DLC1: variants seen among roughly 807,000 people sequenced by gnomAD.
DLC1 encodes DLC1 Rho GTPase activating protein, also known as rho GTPase-activating protein 7.
A neutral mutation model predicts 140.3 loss-of-function variants in DLC1; 54 were observed. The observed-to-expected ratio is 0.38, with a 90% confidence interval of 0.31 to 0.48. DLC1 has a LOEUF of 0.48. Ranked by LOEUF, DLC1 falls within the 20% of genes least tolerant of loss-of-function variation. DLC1 has a pLI of 0.96. For synonymous variants in DLC1, 986 were observed against 728.1 expected, an observed-to-expected ratio of 1.35 and a Z score of -5.70; for missense variants, 2,536 against 1,907.0, an observed-to-expected ratio of 1.33 and a Z score of -6.14.
rs199909346 is a variant in DLC1 at position 13,115,702 on chromosome 8, G to T, written c.1349-45C>A. ...AGACAAAATTAGCCATGTGTACCTC[G>T]CCATGCTTATTTTTCCTGAATAAGC... is the stretch of plus-strand genomic sequence containing the variant. On this transcript the variant is annotated intron_variant, in intron 5 of 17. Coordinates refer to ENST00000276297, the MANE Select transcript of DLC1 (RefSeq NM_182643.3). 27 of 1,572,448 alleles carry T rather than the reference G, an allele frequency of 1.7e-5. No individual in the cohort carries two copies. The South Asian group carries it at 2.6e-4, about 15-fold the overall frequency.
At chr8:13,323,545 T>C (rs193086209) in intron 4 of DLC1, among the ~76,000 whole-genome samples, 33 of 152,322 alleles carry the variant, frequency 2.2e-4, no homozygotes, top group African/African-American at 7.7e-4. Context: ...GGTCATCCTT[T>C]ATTAATTTAT....
At chr8:13,472,406 A>G (rs538709604) in intron 2 of DLC1, among the ~76,000 whole-genome samples, 1 of 152,322 alleles carries the variant, frequency 6.6e-6, no homozygotes, top group African/African-American at 2.4e-5. Flanking sequence ...TTTTTATCCA[A>G]TGTTTAGTTT....
intron 1 of DLC1, among the ~76,000 whole-genome samples, chr8:13,541,254 T>C (rs1023764551): frequency 1.3e-5 from 2 of 151,002 alleles, no homozygotes; most frequent in Non-Finnish European, 2.9e-5. Flanking sequence ...ATAAAGCTGG[T>C]ATGAACATTC....
chr8:13,332,639 G>T (rs1182067942), intron 4 of DLC1, among the ~76,000 whole-genome samples: 1 of 151,748 alleles, frequency 6.6e-6, no homozygotes, highest in African/African-American at 2.4e-5. Flanking sequence ...TGTTGGCCTG[G>T]CTTGGCTGAT....
intron 2 of DLC1, among the ~76,000 whole-genome samples, chr8:13,403,155 C>T (rs1837374307): frequency 6.6e-6 from 1 of 152,184 alleles, no homozygotes; most frequent in South Asian, 2.1e-4. Flanking sequence ...GAATACTATG[C>T]TGTTGTTATT....
chr8:13,217,422 A>C (rs1031611901), intron 5 of DLC1, among the ~76,000 whole-genome samples: 1 of 152,166 alleles, frequency 6.6e-6, no homozygotes, highest in African/African-American at 2.4e-5. Context: ...TCTCACTAGA[A>C]TGATCTGCAT....
chr8:13,439,875 C>G (rs868522063), intron 2 of DLC1, among the ~76,000 whole-genome samples: 1 of 152,152 alleles, frequency 6.6e-6, no homozygotes, highest in Non-Finnish European at 1.5e-5. Context: ...TAGTTTTAAA[C>G]ACAATCGCCT....
chr8:13,181,306 C>T (rs1397921852), intron 5 of DLC1, among the ~76,000 whole-genome samples: 7 of 150,712 alleles, frequency 4.6e-5, no homozygotes, highest in African/African-American at 1.7e-4. Flanking sequence ...TCTCAGGTGG[C>T]TGTATTTCTT....
chr8:13,416,384 A>G (rs549302490), intron 2 of DLC1, among the ~76,000 whole-genome samples: 1 of 152,360 alleles, frequency 6.6e-6, no homozygotes, highest in South Asian at 2.1e-4. Flanking sequence ...GATTTGATAT[A>G]AAATTCAAAA....
intron 1 of DLC1, among the ~76,000 whole-genome samples, chr8:13,579,694 CTTA>C (rs1805012488): frequency 7.1e-6 from 1 of 141,612 alleles, no homozygotes. Flanking sequence ...ATTTATATAT[CTTA>C]TTATATCACA....
chr8:13,221,726 G>GTATATATATATATATATATATA (rs377039517), intron 5 of DLC1, among the ~76,000 whole-genome samples: 1 of 132,448 alleles, frequency 7.6e-6, no homozygotes. Context: ...GTGTGTGTGT[G>GTATATATATATATATATATATA]TATATATATA....
chr8:13,361,615 T>A (rs1044269367), intron 4 of DLC1, among the ~76,000 whole-genome samples: 2 of 152,140 alleles, frequency 1.3e-5, no homozygotes, highest in African/African-American at 4.8e-5. Flanking sequence ...AGGTATCATT[T>A]TAAATAAGTA....
At chr8:13,370,365 T>G (rs1423474187) in intron 4 of DLC1, among the ~76,000 whole-genome samples, 1 of 152,170 alleles carries the variant, frequency 6.6e-6, no homozygotes, top group Non-Finnish European at 1.5e-5. Flanking sequence ...GAGCATTTGT[T>G]GAGTGACTGA....
chr8:13,128,814 G>A (rs751694827), intron 5 of DLC1, among the ~76,000 whole-genome samples: 1 of 145,870 alleles, frequency 6.9e-6, no homozygotes, highest in Non-Finnish European at 1.5e-5. Flanking sequence ...CAGCCTGGGC[G>A]ACAGAGAGAG....
chr8:13,484,521 T>A (rs1301130065), intron 2 of DLC1, among the ~76,000 whole-genome samples: 1 of 152,138 alleles, frequency 6.6e-6, no homozygotes, highest in Non-Finnish European at 1.5e-5. Context: ...TTAACTTGCT[T>A]TGCTTCAAAG....
chr8:13,443,671 A>AG (rs1798645475), intron 2 of DLC1, among the ~76,000 whole-genome samples: 1 of 151,804 alleles, frequency 6.6e-6, no homozygotes, highest in African/African-American at 2.4e-5. Context: ...AAAAAAAAAA[A>AG]AAAAGAAAAA....
chr8:13,120,717 T>G (rs1178086476), intron 5 of DLC1, among the ~76,000 whole-genome samples: 2 of 152,150 alleles, frequency 1.3e-5, no homozygotes, highest in Non-Finnish European at 2.9e-5. Flanking sequence ...CAGGAAATTT[T>G]TATTGGAAAC....
In DLC1 at chr8:13,393,684, A is replaced by G. The variant is rs199830220; in HGVS notation, c.1183T>C (p.Ser395Pro). 1 of 1,612,816 alleles carries G rather than the reference A, an allele frequency of 6.2e-7. No homozygotes were observed. The highest frequency in any genetic ancestry group is 8.5e-7 in the Non-Finnish European group (1 of 1,179,670). ...GTATCTGCTCCACTTTCAGATCCTG[A>G]TTCCAGATCCTATTAAAAAACAAAT... ...NLRRHVPDLE[S>P]GSESGADTIS... is the part of the protein sequence containing the mutation. The change falls in exon 4 of 18, where the codon TCA (serine) becomes CCA (proline). Residue 395 changes from serine (S) to proline (P), a missense_variant. Ser to Pro is a moderately conservative substitution (Grantham distance 74). Transcript: ENST00000276297.
intron 2 of DLC1, among the ~76,000 whole-genome samples, chr8:13,442,599 A>T (rs1299407659): frequency 6.6e-6 from 1 of 152,248 alleles, no homozygotes. Flanking sequence ...AAGACACATG[A>T]AAAAATGCTC....
Sources: gnomAD v4.1 joint callset for allele counts (sites outside exome capture counted in the v4.1 genomes callset) on GRCh38, gnomAD v4.1.1 for gene constraint, MANE v1.5 for transcripts, NCBI Gene and HGNC (gene_info 2026-07-23, HGNC 2026-07-21) for gene names.